Variants in TMEM244 observed in about 807,000 individuals in gnomAD.
The protein encoded by TMEM244 is putative transmembrane protein 244.
Under a neutral mutation model 15.8 loss-of-function variants are expected in TMEM244, and 13 were observed. That is an observed-to-expected ratio of 0.82 (90% CI 0.53 to 1.30). The LOEUF (loss-of-function observed/expected upper bound fraction) is 1.30. Among genes scored for constraint, TMEM244 ranks in the 50% most tolerant of loss-of-function variants. The pLI is 0.00. For synonymous variants in TMEM244, 45 were observed against 48.7 expected, an observed-to-expected ratio of 0.92 and a Z score of 0.32; for missense variants, 161 against 144.9, an observed-to-expected ratio of 1.11 and a Z score of -0.57.
At chr6:129,850,621 C>T (rs1316806999) in intron 1 of TMEM244, among the ~76,000 whole-genome samples, 1 of 151,944 alleles carries the variant, frequency 6.6e-6, no homozygotes, top group Admixed American at 6.6e-5. Context: ...ACAATGCAAG[C>T]CACATATGTA....
chr6:129,838,285 T>C (rs1776437114), intron 3 of TMEM244, among the ~76,000 whole-genome samples: 1 of 152,146 alleles, frequency 6.6e-6, no homozygotes, highest in Non-Finnish European at 1.5e-5. Flanking sequence ...AGAAACTCAC[T>C]CAAAACCTCA....
chr6:129,848,194 G>T (rs1776588041), intron 1 of TMEM244, among the ~76,000 whole-genome samples: 1 of 152,230 alleles, frequency 6.6e-6, no homozygotes, highest in Non-Finnish European at 1.5e-5. Context: ...CATAGCTTGT[G>T]GTTCCATGAT....
At chr6:129,861,012 T>C in intron 1 of TMEM244, 144 bp downstream of exon 1, 1 of 798,790 alleles carries the variant, frequency 1.3e-6, no homozygotes, top group Non-Finnish European at 2.0e-6. Flanking sequence ...ATGCAAGCCG[T>C]GCAGCAGAAT....
At chr6:129,856,694 T>C (rs139798272) in intron 1 of TMEM244, among the ~76,000 whole-genome samples, 13 of 152,244 alleles carry the variant, frequency 8.5e-5, no homozygotes, top group African/African-American at 3.1e-4. Flanking sequence ...GCTAGTCATC[T>C]CTCCTTTTTC....
rs370512896 is a variant in TMEM244 at position 129,839,734 on chromosome 6, C to T, written c.193+3796G>A. Among the ~76,000 whole-genome samples, 32 of 152,322 alleles carry T rather than the reference C, an allele frequency of 2.1e-4. No individual in the cohort carries two copies. In the East Asian group the frequency reaches 3.5e-3, roughly 17 times the overall value. On this transcript the variant is annotated intron_variant, in intron 3 of 4. Transcript: ENST00000368143. Reference sequence around the variant, plus strand: ...CTGATAAGCAACTTCAGCAAAGTCTCAGGATACAAAATCAACATGGAAAAA... The same window carrying T: ...CTGATAAGCAACTTCAGCAAAGTCTTAGGATACAAAATCAACATGGAAAAA...
chr6:129,858,996 T>C (rs1410900318), intron 1 of TMEM244, among the ~76,000 whole-genome samples: 1 of 152,140 alleles, frequency 6.6e-6, no homozygotes, highest in African/African-American at 2.4e-5. Context: ...GGTTTCACCA[T>C]GTTTACCAGG....
intron 1 of TMEM244, among the ~76,000 whole-genome samples, chr6:129,848,745 A>C (rs1776596925): frequency 6.6e-6 from 1 of 152,092 alleles, no homozygotes; most frequent in South Asian, 2.1e-4. Flanking sequence ...CAGCACTATA[A>C]TTTTTTTAAG....
chr6:129,855,547 A>T (rs924453295), intron 1 of TMEM244, among the ~76,000 whole-genome samples: 79 of 152,308 alleles, frequency 5.2e-4, no homozygotes, highest in African/African-American at 1.6e-3. Flanking sequence ...TCATTGACAT[A>T]GAGTTTATAT....
chr6:129,852,286 C>T (rs1776645667), intron 1 of TMEM244, among the ~76,000 whole-genome samples: 1 of 151,958 alleles, frequency 6.6e-6, no homozygotes. Flanking sequence ...TTAAAGCATG[C>T]TTTGATTAAT....
chr6:129,839,254 G>A (rs928660253), intron 3 of TMEM244, among the ~76,000 whole-genome samples: 2 of 152,078 alleles, frequency 1.3e-5, no homozygotes, highest in African/African-American at 4.8e-5. Flanking sequence ...TTCATCCCTG[G>A]GATGCAAGGC....
Position 129,833,455 on chromosome 6 carries a change from C to G in TMEM244, c.319+5G>C. ...TCCTTGTTTCTGTTATTTTATTCTG[C>G]TTACCAGTTGAAGTGATGGCAACAT... is the stretch of plus-strand genomic sequence containing the variant. On this transcript the variant is annotated splice_donor_5th_base_variant and intron_variant, in intron 4 of 4. Transcript: ENST00000368143. The G allele has an allele frequency of 6.2e-7, 1 of 1,609,394 alleles. No homozygotes were observed. Among genetic ancestry groups the G allele is most frequent in the Non-Finnish European group, 8.5e-7 (1 of 1,178,456 alleles).
chr6:129,857,680 A>G (rs556445401), intron 1 of TMEM244, among the ~76,000 whole-genome samples: 28 of 152,188 alleles, frequency 1.8e-4, no homozygotes, highest in African/African-American at 6.5e-4. Flanking sequence ...TTTAGATAGT[A>G]GTGGAGTTAG....
intron 3 of TMEM244, among the ~76,000 whole-genome samples, chr6:129,836,072 T>C (rs911469622): frequency 3.3e-5 from 5 of 152,292 alleles, no homozygotes; most frequent in Admixed American, 2.6e-4. Flanking sequence ...TCTCTCAGCA[T>C]GGCATTCGAG....
intron 1 of TMEM244, among the ~76,000 whole-genome samples, chr6:129,855,911 T>A (rs368101800): frequency 6.6e-6 from 1 of 152,148 alleles, no homozygotes; most frequent in Admixed American, 6.6e-5. Flanking sequence ...CCCCCAAAAT[T>A]TTTTAGCCAT....
chr6:129,839,984 C>T (rs1184381299), intron 3 of TMEM244, among the ~76,000 whole-genome samples: 2 of 152,228 alleles, frequency 1.3e-5, no homozygotes, highest in Admixed American at 6.5e-5. Context: ...GAATCAGTAT[C>T]GTGAAAATGG....
chr6:129,838,641 G>A (rs1776442735), intron 3 of TMEM244, among the ~76,000 whole-genome samples: 1 of 152,176 alleles, frequency 6.6e-6, no homozygotes, highest in Non-Finnish European at 1.5e-5. Context: ...AGTGAATCCA[G>A]GAGCTGGTTT....
intron 4 of TMEM244, among the ~76,000 whole-genome samples, chr6:129,832,389 C>A (rs1291188109): frequency 6.6e-6 from 1 of 152,120 alleles, no homozygotes; most frequent in Non-Finnish European, 1.5e-5. Context: ...TGAGCCACGG[C>A]ACCTGGCGGA....
intron 2 of TMEM244, 101 bp downstream of exon 2, chr6:129,845,666 A>G (rs919328715): frequency 8.8e-6 from 8 of 904,846 alleles, no homozygotes; most frequent in African/African-American, 1.7e-5. Context: ...AAAAAAATCC[A>G]CATCCTCTAA....
At chr6:129,841,951 T>C (rs894140369) in intron 3 of TMEM244, among the ~76,000 whole-genome samples, 1 of 152,202 alleles carries the variant, frequency 6.6e-6, no homozygotes, top group African/African-American at 2.4e-5. Context: ...TGAAGAGTTA[T>C]GACATTTATC....
Sources: allele counts gnomAD v4.1 joint callset (sites outside exome capture counted in the v4.1 genomes callset), GRCh38; gene constraint gnomAD v4.1.1; transcripts MANE v1.5; gene names NCBI Gene and HGNC (gene_info 2026-07-23, HGNC 2026-07-21).